CPB2: variants seen among roughly 807,000 people sequenced by gnomAD.
CPB2 encodes carboxypeptidase B-like protein.
CPB2 carries 54 observed loss-of-function variants against 57.0 expected under a neutral mutation model. The ratio of observed to expected loss-of-function variants is 0.95; its 90% CI spans 0.76 to 1.19. The LOEUF is 1.19. Among genes scored for constraint, CPB2 ranks in the 50% most tolerant of loss-of-function variants. The pLI, the probability that CPB2 is intolerant of heterozygous loss-of-function variation, is 0.00. For missense variants in CPB2, 426 were observed against 512.0 expected (o/e 0.83, Z 1.62); for synonymous variants, 189 against 178.1 (o/e 1.06, Z -0.49).
intron 10 of CPB2, among the ~76,000 whole-genome samples, chr13:46,054,369 T>G (rs1410156128): frequency 6.6e-6 from 1 of 152,208 alleles, no homozygotes; most frequent in African/African-American, 2.4e-5. Flanking sequence ...TTTTTCTCCT[T>G]TCATTCATTT....
At chr13:46,058,603 C>T (rs772862562) in intron 8 of CPB2, among the ~76,000 whole-genome samples, 1 of 152,214 alleles carries the variant, frequency 6.6e-6, no homozygotes, top group Non-Finnish European at 1.5e-5. Context: ...ATTCCCAGCA[C>T]CTGTCTCCCT....
chr13:46,090,465 C>A (rs2045275958), intron 1 of CPB2, among the ~76,000 whole-genome samples: 1 of 150,702 alleles, frequency 6.6e-6, no homozygotes, highest in Non-Finnish European at 1.5e-5. Context: ...CAGGTTCAAG[C>A]AATTCTCCTG....
intron 4 of CPB2, among the ~76,000 whole-genome samples, chr13:46,079,280 C>T (rs749770547): frequency 3.4e-4 from 52 of 151,968 alleles, no homozygotes; most frequent in Non-Finnish European, 7.1e-4. Context: ...TTTAAAAATG[C>T]ACTTTTCAAG....
intron 10 of CPB2, among the ~76,000 whole-genome samples, chr13:46,054,693 G>C (rs1431081038): frequency 6.6e-6 from 1 of 151,848 alleles, no homozygotes; most frequent in Non-Finnish European, 1.5e-5. Context: ...CAGAAGACTT[G>C]TTACAGTTTA....
rs1182972478 is a variant in CPB2 at position 46,082,520 on chromosome 13, A to C, written c.305T>G (p.Ile102Ser). ...TGTGTCGTTGGAAATCTGCTGTTGA[A>C]TAAGATCTTCCACATCTGCCAGCAA... is the stretch of plus-strand genomic sequence containing the variant. ...SVLLADVEDL[I>S]QQQISNDTVS... Residue 102 changes from isoleucine (I) to serine (S), a missense_variant, in exon 4 of 11, where the codon ATT becomes AGT. Coordinates refer to ENST00000181383, the MANE Select transcript of CPB2 (RefSeq NM_001872.5). 3 of 1,613,714 alleles carry C rather than the reference A, an allele frequency of 1.9e-6. No individual in the cohort carries two copies. The highest frequency in any genetic ancestry group is 2.5e-6 in the Non-Finnish European group (3 of 1,179,674).
At chr13:46,094,635 C>T (rs2045340478) in intron 1 of CPB2, among the ~76,000 whole-genome samples, 1 of 152,116 alleles carries the variant, frequency 6.6e-6, no homozygotes, top group Non-Finnish European at 1.5e-5. Flanking sequence ...ACAGTTATTA[C>T]AATGAGCAGT....
At chr13:46,062,657 C>T (rs905814405) in intron 8 of CPB2, among the ~76,000 whole-genome samples, 5 of 152,130 alleles carry the variant, frequency 3.3e-5, no homozygotes, top group African/African-American at 1.2e-4. Context: ...CAACTAAATT[C>T]ATTCATGGAC....
At chr13:46,059,158 G>T (rs915028476) in intron 8 of CPB2, among the ~76,000 whole-genome samples, 4 of 152,226 alleles carry the variant, frequency 2.6e-5, no homozygotes, top group African/African-American at 9.6e-5. Context: ...CTCTTGAACA[G>T]ACAGTAAAAA....
chr13:46,089,728 C>T (rs1055014775), intron 1 of CPB2, among the ~76,000 whole-genome samples: 2 of 152,208 alleles, frequency 1.3e-5, no homozygotes, highest in East Asian at 1.9e-4. Flanking sequence ...GATCCCCTCC[C>T]CCTTCCACCA....
intron 6 of CPB2, among the ~76,000 whole-genome samples, chr13:46,070,144 A>G (rs139968159): frequency 1.5e-3 from 230 of 152,336 alleles, no homozygotes; most frequent in Non-Finnish European, 2.2e-3. Flanking sequence ...GCAGTATTTA[A>G]TAAGTGATAT....
rs1926447 is a variant in CPB2 at position 46,055,809 on chromosome 13, A to G, written c.1040T>C (p.Ile347Thr). ...ASEAVRAIEK[I>T]SKNTRYTHGH... Reference sequence around the variant, plus strand: ...ATGTGTATACCTGGTATTTTTACTAATTTTCTCAATAGCACGAACTGCTTC... The same window carrying G: ...ATGTGTATACCTGGTATTTTTACTAGTTTTCTCAATAGCACGAACTGCTTC... The change falls in exon 10 of 11, where the codon ATT becomes ACT. Residue 347 changes from isoleucine (I) to threonine (T), a missense_variant. Transcript: ENST00000181383. The G allele has an allele frequency of 0.72, 1,154,851 of 1,595,210 alleles. 421,043 individuals are homozygous for G. The highest frequency in any genetic ancestry group is 0.87 in the African/African-American group (64,469 of 74,496).
At chr13:46,079,535 C>CAAAAAAAAAA (rs58164990) in intron 4 of CPB2, among the ~76,000 whole-genome samples, 177 of 110,812 alleles carry the variant, frequency 1.6e-3, no homozygotes, top group Non-Finnish European at 1.9e-3. Context: ...AAGGAAAAAG[C>CAAAAAAAAAA]AAAAAAAAAA....
intron 1 of CPB2, among the ~76,000 whole-genome samples, chr13:46,091,865 T>C (rs2045297843): frequency 6.6e-6 from 1 of 152,218 alleles, no homozygotes; most frequent in African/African-American, 2.4e-5. Flanking sequence ...CATCCAGTTT[T>C]ATAGGTAAGT....
intron 1 of CPB2, among the ~76,000 whole-genome samples, chr13:46,092,669 A>G (rs986246734): frequency 6.6e-6 from 1 of 152,316 alleles, no homozygotes; most frequent in Admixed American, 6.5e-5. Context: ...GATAAAGGGC[A>G]TTTTTGGAAA....
At chr13:46,074,703 C>T (rs1005848736) in intron 5 of CPB2, among the ~76,000 whole-genome samples, 1 of 152,106 alleles carries the variant, frequency 6.6e-6, no homozygotes, top group African/African-American at 2.4e-5. Flanking sequence ...CAGTGGTCCC[C>T]AACCTTTTTG....
intron 1 of CPB2, among the ~76,000 whole-genome samples, chr13:46,088,276 A>G (rs1036032550): frequency 6.6e-5 from 10 of 152,174 alleles, no homozygotes; most frequent in African/African-American, 1.9e-4. Flanking sequence ...CACCAGAGGT[A>G]TCCTCTACCT....
intron 2 of CPB2, among the ~76,000 whole-genome samples, chr13:46,085,037 A>G (rs2045181069): frequency 6.6e-6 from 1 of 151,784 alleles, no homozygotes; most frequent in Admixed American, 6.6e-5. Context: ...TTTTTAGTAG[A>G]GACGGGGTTT....
At chr13:46,096,890 C>T (rs2045374083) in intron 1 of CPB2, among the ~76,000 whole-genome samples, 1 of 152,158 alleles carries the variant, frequency 6.6e-6, no homozygotes, top group Non-Finnish European at 1.5e-5. Context: ...TGTTGCATCT[C>T]ATCATACACC....
In CPB2 at chr13:46,095,876, C is replaced by CTTTTTTTTTTTTTTTTTTTTTTTTTT. The variant is rs34686626; in HGVS notation, c.75-8057_75-8056insAAAAAAAAAAAAAAAAAAAAAAAAAA. On this transcript the variant is annotated intron_variant, in intron 1 of 10. Transcript: ENST00000181383. ...CTGATGTGTGACTCTGGCTATAGGACTTTTTTTTTTTTTTTTTTTTTTGAG... is the reference window on the plus strand; with the variant it reads ...CTGATGTGTGACTCTGGCTATAGGACTTTTTTTTTTTTTTTTTTTTTTTTTTTTTTTTTTTTTTTTTTTTTTTTGAG... 2.3e-5 allele frequency among the ~76,000 whole-genome samples: 2 copies of CTTTTTTTTTTTTTTTTTTTTTTTTTT among 85,746 alleles called. 1 individual carries two copies. 56.3% of individuals were successfully genotyped at this position (85,746 alleles called of 152,430 possible).
Sources: allele counts gnomAD v4.1 joint callset (sites outside exome capture counted in the v4.1 genomes callset), GRCh38; gene constraint gnomAD v4.1.1; transcripts MANE v1.5; gene names NCBI Gene and HGNC (gene_info 2026-07-23, HGNC 2026-07-21).